Variants in PRDM16 observed in about 807,000 individuals in gnomAD.
PRDM16 encodes histone-lysine N-methyltransferase PRDM16.
A neutral mutation model predicts 110.6 loss-of-function variants in PRDM16; 23 were observed. The ratio of observed to expected loss-of-function variants is 0.21; its 90% CI spans 0.15 to 0.29. The LOEUF (loss-of-function observed/expected upper bound fraction) is 0.29. Ranked by LOEUF, PRDM16 falls within the 10% of genes least tolerant of loss-of-function variation. PRDM16 has a pLI of 1.00. For missense variants in PRDM16, 1,615 were observed against 1,794.3 expected (o/e 0.90, Z 1.81); for synonymous variants, 799 against 781.8 (o/e 1.02, Z -0.37).
intron 3 of PRDM16, among the ~76,000 whole-genome samples, chr1:3,268,950 G>C (rs566807787): frequency 1.3e-4 from 20 of 152,346 alleles, no homozygotes; most frequent in Admixed American, 1.2e-3. Context: ...CCCATGACCT[G>C]GGGGTCCTTC....
At chr1:3,237,155 A>G (rs113002511) in intron 2 of PRDM16, among the ~76,000 whole-genome samples, 8,198 of 151,886 alleles carry the variant, frequency 0.054, 291 homozygotes, top group African/African-American at 0.09. Context: ...TCCACACCCC[A>G]TGCCCCCATC....
chr1:3,199,101 C>T (rs778766676), intron 2 of PRDM16, among the ~76,000 whole-genome samples: 2 of 152,142 alleles, frequency 1.3e-5, no homozygotes, highest in African/African-American at 4.8e-5. Context: ...TGGCGCTCAG[C>T]GGAGGCTGGA....
In PRDM16 at chr1:3,351,754, C is replaced by T. The variant is rs113972034; in HGVS notation, c.439-33398C>T. On this transcript the variant is annotated intron_variant, in intron 3 of 16. Transcript: ENST00000270722. ...GTCTCTCCTCTCCCTCTCTCCCCCC[C>T]CTCTGTTTCTCTTCTTCCCTCCCTC... 4.5e-3 allele frequency among the ~76,000 whole-genome samples: 569 copies of T among 127,016 alleles called. 2 individuals are homozygous for T. The highest frequency in any genetic ancestry group is 7.5e-3 in the Non-Finnish European group (444 of 59,368). 83.3% of individuals were successfully genotyped at this position (127,016 alleles called of 152,430 possible).
intron 3 of PRDM16, chr1:3,309,964 C>T (rs10909926): frequency 0.16 from 23,904 of 152,218 alleles, 1,993 homozygotes; most frequent in East Asian, 0.32. Context: ...GGGCCAGGCA[C>T]ACCCGCCCCA....
chr1:3,193,468 C>T (rs1286120352), intron 2 of PRDM16, among the ~76,000 whole-genome samples: 1 of 152,236 alleles, frequency 6.6e-6, no homozygotes, highest in South Asian at 2.1e-4. Context: ...AGAAGCAGAA[C>T]TTGTGTGTCC....
Position 3,316,571 on chromosome 1 carries a change from C to T in PRDM16, c.439-68581C>T, listed in dbSNP as rs115969483. On this transcript the variant is annotated intron_variant, in intron 3 of 16. Coordinates refer to ENST00000270722, the MANE Select transcript of PRDM16 (RefSeq NM_022114.4). ...TCAGTGGCACAGAGTAACCAGGAAA[C>T]ATTGATACAGGGTAGACAGGAAACA... Among the ~76,000 whole-genome samples the T allele has an allele frequency of 4.7e-3, 711 of 152,300 alleles. 7 individuals carry two copies. The highest frequency in any genetic ancestry group is 0.016 in the African/African-American group (672 of 41,548).
At chr1:3,363,548 C>A (rs1281624769) in intron 3 of PRDM16, among the ~76,000 whole-genome samples, 1 of 152,140 alleles carries the variant, frequency 6.6e-6, no homozygotes, top group East Asian at 1.9e-4. Context: ...CTTGGGGCAT[C>A]CTGAGTGCCA....
chr1:3,265,356 C>CT lies in PRDM16; in HGVS notation c.438+21220dup, dbSNP rs915391767. ...GGACAGGAGCTAGAGGGCTAAGCTG[C>CT]TAGGCACAGCTCATGGGGAGGCCTG... is the stretch of plus-strand genomic sequence containing the variant. On this transcript the variant is annotated intron_variant, in intron 3 of 16. Coordinates refer to ENST00000270722, the MANE Select transcript of PRDM16 (RefSeq NM_022114.4). The surrounding 1 kb of genome is among the most constrained non-coding windows in gnomAD (Gnocchi z 4.5). 5.3e-5 allele frequency among the ~76,000 whole-genome samples: 8 copies of CT among 152,108 alleles called. No individual in the cohort carries two copies. The East Asian group carries it at 1.4e-3, about 26-fold the overall frequency.
chr1:3,376,570 C>A (rs1642993449), intron 3 of PRDM16, among the ~76,000 whole-genome samples: 1 of 152,214 alleles, frequency 6.6e-6, no homozygotes, highest in Admixed American at 6.5e-5. Context: ...ACAGCCCCCT[C>A]CAGCTTCTTC....
chr1:3,372,186 C>G (rs1423535544), intron 3 of PRDM16, among the ~76,000 whole-genome samples: 1 of 152,236 alleles, frequency 6.6e-6, no homozygotes, highest in Non-Finnish European at 1.5e-5. Flanking sequence ...GGGTGAGGGA[C>G]CCCAGGGGTC....
chr1:3,278,193 T>A (rs1018013605), intron 3 of PRDM16, among the ~76,000 whole-genome samples: 9 of 152,196 alleles, frequency 5.9e-5, no homozygotes, highest in Admixed American at 5.9e-4. Flanking sequence ...TTTTCCAGCC[T>A]CCCACCCTGC....
At chr1:3,399,817 T>A (rs764018894) in intron 5 of PRDM16, among the ~76,000 whole-genome samples, 1 of 152,244 alleles carries the variant, frequency 6.6e-6, no homozygotes, top group Admixed American at 6.5e-5. Flanking sequence ...TTGTTCTTCA[T>A]TGGGTCCAGA....
chr1:3,285,952 C>G (rs980791079), intron 3 of PRDM16, among the ~76,000 whole-genome samples: 4 of 152,202 alleles, frequency 2.6e-5, no homozygotes, highest in Non-Finnish European at 5.9e-5. Flanking sequence ...CGGCGTGACA[C>G]AAGGAAAAAT....
intron 5 of PRDM16, among the ~76,000 whole-genome samples, 185 bp downstream of exon 5, chr1:3,396,778 C>G (rs1042783694): frequency 1.3e-5 from 2 of 152,220 alleles, no homozygotes; most frequent in African/African-American, 4.8e-5. Context: ...AATTGCCCGC[C>G]TCCACAAAGG....
At chr1:3,303,330 C>T (rs1337352982) in intron 3 of PRDM16, among the ~76,000 whole-genome samples, 2 of 152,154 alleles carry the variant, frequency 1.3e-5, no homozygotes, top group African/African-American at 2.4e-5. Flanking sequence ...AATGTGCCAT[C>T]CTCAGGACCT....
chr1:3,389,668 C>A (rs1643264290), intron 4 of PRDM16, among the ~76,000 whole-genome samples: 1 of 152,236 alleles, frequency 6.6e-6, no homozygotes, highest in African/African-American at 2.4e-5. Context: ...GGCCCCAGAT[C>A]ACGGCCAAGG....
At chr1:3,386,723 A>T (rs1306443618) in intron 4 of PRDM16, 2 of 152,208 alleles carry the variant, frequency 1.3e-5, no homozygotes, top group Non-Finnish European at 2.9e-5. Flanking sequence ...AGGCGCATAG[A>T]AGGACGGTCT....
chr1:3,277,827 A>G (rs578231201), intron 3 of PRDM16, among the ~76,000 whole-genome samples: 4 of 151,896 alleles, frequency 2.6e-5, no homozygotes, highest in African/African-American at 9.7e-5. Flanking sequence ...GCATATGCAC[A>G]TGCACACACG....
intron 1 of PRDM16, among the ~76,000 whole-genome samples, chr1:3,114,224 C>CGA (rs1642877680): frequency 8.0e-6 from 1 of 125,080 alleles, no homozygotes; most frequent in Non-Finnish European, 1.8e-5. Flanking sequence ...CACGAACACA[C>CGA]ACGCACACAC....
Sources: gnomAD v4.1 joint callset for allele counts (sites outside exome capture counted in the v4.1 genomes callset) on GRCh38, gnomAD v4.1.1 for gene constraint, Gnocchi (gnomAD v3.1) non-coding constraint, MANE v1.5 for transcripts, NCBI Gene and HGNC (gene_info 2026-07-23, HGNC 2026-07-21) for gene names.